Variants in BBS2 observed in about 807,000 individuals in gnomAD.
BBS2 encodes BBSome complex member BBS2.
Under a neutral mutation model 83.0 loss-of-function variants are expected in BBS2, and 62 were observed. The ratio of observed to expected loss-of-function variants is 0.75; its 90% confidence interval spans 0.61 to 0.92. The LOEUF is 0.92. Ranked by LOEUF, BBS2 falls within the 40% of genes least tolerant of loss-of-function variation. The pLI is 0.00. For missense variants in BBS2, 784 were observed against 901.0 expected, an observed-to-expected ratio of 0.87 and a Z score of 1.66; for synonymous variants, 303 against 326.1, an observed-to-expected ratio of 0.93 and a Z score of 0.76.
At chr16:56,512,105 A>G (rs946033764) in intron 2 of BBS2, among the ~76,000 whole-genome samples, 4 of 152,200 alleles carry the variant, frequency 2.6e-5, no homozygotes, top group African/African-American at 7.2e-5. Context: ...CTCTGCATCA[A>G]TGATTATCAG....
downstream of BBS2, among the ~76,000 whole-genome samples, chr16:56,482,967 G>A (rs764942747): frequency 6.6e-6 from 1 of 152,070 alleles, no homozygotes; most frequent in Non-Finnish European, 1.5e-5. Flanking sequence ...CTCTTCTACC[G>A]GCTCAGCTAT....
downstream of BBS2, among the ~76,000 whole-genome samples, chr16:56,484,004 A>AT (rs1491520244): frequency 9.8e-6 from 1 of 102,176 alleles, no homozygotes; most frequent in Admixed American, 1.0e-4. Context: ...CTCAGCCCAA[A>AT]TATTTTTTTT....
At chr16:56,502,203 C>T in intron 9 of BBS2, 114 bp downstream of exon 9, 1 of 1,439,134 alleles carries the variant, frequency 6.9e-7, no homozygotes, top group Non-Finnish European at 9.8e-7. Flanking sequence ...CTGACAATGG[C>T]AAAAAGGCCA....
At chr16:56,475,939 C>T (rs749154507) in intron 17 of BBS2, 2 of 1,052,642 alleles carry the variant, frequency 1.9e-6, no homozygotes, top group Middle Eastern at 2.8e-4. Flanking sequence ...CCCTCTATCC[C>T]CAGATTAAGT....
chr16:56,494,015 G>A, intron 15 of BBS2, among the ~76,000 whole-genome samples: 1 of 151,992 alleles, frequency 6.6e-6, no homozygotes, highest in Non-Finnish European at 1.5e-5. Context: ...CTGGATTGCA[G>A]TGTCATGATC....
rs1964680623 is a variant in BBS2 at position 56,514,597 on chromosome 16, A to G, written c.201T>C (p.Ser67=). The change falls in exon 2 of 17, where the codon TCT becomes TCC. Residue 67 remains serine, a synonymous_variant. Transcript: ENST00000245157. ...TGACTGCCTGGTTAATGCTGAGAAG[A>G]GAAACATCAGATTCCAGGGGGCTCT... ...VFQSPLESDV[S]LLSINQAVSC... 1 of 1,614,096 alleles carries G rather than the reference A, an allele frequency of 6.2e-7. No homozygotes were observed. Among genetic ancestry groups the G allele is most frequent in the Admixed American group, 1.7e-5 (1 of 60,008 alleles).
Position 56,485,731 on chromosome 16 carries a change from T to C in BBS2, c.1918A>G (p.Met640Val), listed in dbSNP as rs778368939. ...DARLMRDMKT[M>V]KSRYMELYDL... ...TAGAGTTCCATATAACGACTCTTCA[T>C]TGTTTTCCTGTGCAAATCAGTAGAA... Residue 640 changes from methionine to valine, a missense_variant, in exon 16 of 17, where the codon ATG becomes GTG. Physicochemically the swap from Met to Val is conservative, Grantham distance 21 (BLOSUM62 1). Transcript: ENST00000245157. The C allele has an allele frequency of 3.7e-6, 6 of 1,613,866 alleles. No homozygotes were observed. The African/African-American group carries it at 5.3e-5, about 14-fold the overall frequency.
downstream of BBS2, among the ~76,000 whole-genome samples, chr16:56,479,600 T>C (rs541314243): frequency 2.0e-5 from 3 of 152,354 alleles, no homozygotes; most frequent in East Asian, 1.9e-4. Context: ...ACTGGTAGCT[T>C]TGTCATGTAT....
chr16:56,515,671 C>T (rs1964718954), intron 1 of BBS2, among the ~76,000 whole-genome samples: 1 of 152,200 alleles, frequency 6.6e-6, no homozygotes, highest in African/African-American at 2.4e-5. Context: ...AACACCTACC[C>T]AAGGCAGCCT....
intron 17 of BBS2, among the ~76,000 whole-genome samples, chr16:56,475,249 TTCTCTCTTAATTTTCA>T (rs2144060183): frequency 6.6e-6 from 1 of 152,330 alleles, no homozygotes; most frequent in East Asian, 1.9e-4. Flanking sequence ...TAGCATTTAA[TTCTCTCTTAATTTTCA>T]TATTCAAAGT....
At chr16:56,513,382 C>A (rs1964634105) in intron 2 of BBS2, among the ~76,000 whole-genome samples, 1 of 152,052 alleles carries the variant, frequency 6.6e-6, no homozygotes, top group Non-Finnish European at 1.5e-5. Context: ...GTAGTAACTT[C>A]ATATAAAGAT....
At chr16:56,482,262 CTT>C (rs1179765577), downstream of BBS2, among the ~76,000 whole-genome samples, 1 of 152,152 alleles carries the variant, frequency 6.6e-6, no homozygotes, top group Non-Finnish European at 1.5e-5. Flanking sequence ...CAAGTTTCCT[CTT>C]GAGTCACTAG....
chr16:56,512,507 A>G (rs1374042773), intron 2 of BBS2, among the ~76,000 whole-genome samples: 4 of 152,210 alleles, frequency 2.6e-5, no homozygotes, highest in African/African-American at 9.7e-5. Context: ...GTATATTCAC[A>G]CAATGGAATA....
intron 17 of BBS2, chr16:56,479,114 T>G (rs1391992427): frequency 1.7e-4 from 26 of 152,232 alleles, no homozygotes; most frequent in Admixed American, 1.7e-3. Flanking sequence ...ATATATGGTT[T>G]CTCTCTTTAT....
At chr16:56,501,535 A>C (rs1344166237) in intron 9 of BBS2, 38 bp from the exon 10 acceptor site, 1 of 1,613,946 alleles carries the variant, frequency 6.2e-7, no homozygotes. Flanking sequence ...TCAGTCACCA[A>C]AACACTGAAC....
In BBS2 at chr16:56,484,773, T is replaced by C; in HGVS notation, c.2154A>G (p.Thr718=). The change falls in exon 17 of 17, where the codon ACA becomes ACG. Residue 718 remains threonine (T), a synonymous_variant. Transcript: ENST00000245157. The part of the protein sequence containing the change: ...NTLFKIMRVG[T]ASS Reference sequence around the variant, plus strand: ...GTATTTTCCTCACCTAGGAAGAAGCTGTCCCCACTCGCATGATTTTGAACA... The same window carrying C: ...GTATTTTCCTCACCTAGGAAGAAGCCGTCCCCACTCGCATGATTTTGAACA... 1 of 1,613,852 alleles carries C rather than the reference T, an allele frequency of 6.2e-7. No individual in the cohort carries two copies. Among genetic ancestry groups the C allele is most frequent in the Non-Finnish European group, 8.5e-7 (1 of 1,179,734 alleles).
chr16:56,494,689 G>A (rs1254542408), intron 15 of BBS2, among the ~76,000 whole-genome samples: 12 of 152,144 alleles, frequency 7.9e-5, no homozygotes, highest in African/African-American at 2.7e-4. Flanking sequence ...AAGGCCGGGC[G>A]CAGTAGCTCA....
rs751604858 is a variant in BBS2, at chr16:56,496,958, A to C, written c.1910+9T>G. 2.3e-5 allele frequency: 37 copies of C among 1,600,458 alleles called. No individual in the cohort carries two copies. Among genetic ancestry groups the C allele is most frequent in the Admixed American group, 1.0e-4 (6 of 59,992 alleles). On this transcript the variant is annotated intron_variant, in intron 15 of 16. Transcript: ENST00000245157. Reference sequence around the variant, plus strand: ...CCCTGCACCTGTACTAACCATGACAAATACTCACATGTCCCTCATCAGACG... The same window carrying C: ...CCCTGCACCTGTACTAACCATGACACATACTCACATGTCCCTCATCAGACG...
chr16:56,501,411 G>A lies in BBS2; in HGVS notation c.1167C>T (p.Val389=). The A allele has an allele frequency of 6.2e-7, 1 of 1,614,156 alleles. No homozygotes were observed. The highest frequency in any genetic ancestry group is 1.1e-5 in the South Asian group (1 of 91,070). Reference sequence around the variant, plus strand: ...CAGTTTGGGTCTCATTCCCCAGGCTGACTGAGAGCGTGGTGTGGAGCCTGG... The same window carrying A: ...CAGTTTGGGTCTCATTCCCCAGGCTAACTGAGAGCGTGGTGTGGAGCCTGG... ...ANTRLHTTLS[V]SLGNETQTAH... The change falls in exon 10 of 17, where the codon GTC becomes GTT. Residue 389 remains valine, a synonymous_variant. Transcript: ENST00000245157.
Sources: allele counts gnomAD v4.1 joint callset (sites outside exome capture counted in the v4.1 genomes callset), GRCh38; gene constraint gnomAD v4.1.1; transcripts MANE v1.5; gene names NCBI Gene and HGNC (gene_info 2026-07-23, HGNC 2026-07-21).